Variants in SPIDR observed in about 807,000 individuals in gnomAD.
The protein encoded by SPIDR is scaffold protein involved in DNA repair.
SPIDR carries 93 observed loss-of-function variants against 104.6 expected under a neutral mutation model. The ratio of observed to expected loss-of-function variants is 0.89; its 90% CI spans 0.75 to 1.06. The LOEUF is 1.06. SPIDR is among the 50% of genes least tolerant of loss of function. The pLI is 0.00. For missense variants in SPIDR, 1,154 were observed against 1,111.2 expected (o/e 1.04, Z -0.55); for synonymous variants, 431 against 416.9 (o/e 1.03, Z -0.41).
chr8:47,310,053 G>A (rs587769461), intron 5 of SPIDR, among the ~76,000 whole-genome samples: 3 of 149,118 alleles, frequency 2.0e-5, no homozygotes, highest in African/African-American at 5.0e-5. Context: ...GTAATAAGTC[G>A]GCCAGCGCTG....
At chr8:47,350,106 A>C (rs1249771944) in intron 5 of SPIDR, among the ~76,000 whole-genome samples, 1 of 152,194 alleles carries the variant, frequency 6.6e-6, no homozygotes, top group African/African-American at 2.4e-5. Context: ...TCTTGGAATG[A>C]TCGGGTTTTT....
chr8:47,714,981 C>T (rs2082361294), intron 16 of SPIDR, among the ~76,000 whole-genome samples: 1 of 152,108 alleles, frequency 6.6e-6, no homozygotes. Flanking sequence ...ATAATTCACT[C>T]CTTTAAAGTG....
At chr8:47,453,063 C>T (rs2154349464) in intron 8 of SPIDR, among the ~76,000 whole-genome samples, 1 of 152,156 alleles carries the variant, frequency 6.6e-6, no homozygotes, top group South Asian at 2.1e-4. Context: ...TCTTATACAC[C>T]AATAACAGAC....
At chr8:47,594,283 G>A (rs1037356180) in intron 8 of SPIDR, among the ~76,000 whole-genome samples, 3 of 151,564 alleles carry the variant, frequency 2.0e-5, no homozygotes, top group African/African-American at 7.3e-5. Flanking sequence ...GCTGAGGTGG[G>A]AGAATCACTT....
intron 5 of SPIDR, among the ~76,000 whole-genome samples, chr8:47,316,541 T>A (rs2045378143): frequency 6.6e-6 from 1 of 152,220 alleles, no homozygotes; most frequent in East Asian, 1.9e-4. Flanking sequence ...GAACACTGTC[T>A]TGGTACATCA....
intron 8 of SPIDR, among the ~76,000 whole-genome samples, chr8:47,495,618 G>A (rs556994667): frequency 1.2e-4 from 19 of 152,054 alleles, no homozygotes; most frequent in African/African-American, 4.3e-4. Context: ...TGCCTGGTCC[G>A]AGGTTTCAAA....
intron 5 of SPIDR, among the ~76,000 whole-genome samples, chr8:47,380,205 C>G (rs1169366288): frequency 1.3e-5 from 2 of 152,326 alleles, no homozygotes; most frequent in African/African-American, 4.8e-5. Context: ...CACAGCAACG[C>G]GTGCTGCCCC....
intron 8 of SPIDR, among the ~76,000 whole-genome samples, chr8:47,544,843 C>CA (rs1170782602): frequency 2.6e-5 from 4 of 151,950 alleles, no homozygotes; most frequent in Admixed American, 6.6e-5. Context: ...TTTATCTCCA[C>CA]AAAAAAATCT....
intron 16 of SPIDR, among the ~76,000 whole-genome samples, chr8:47,717,645 G>A (rs11778548): frequency 0.45 from 68,950 of 152,022 alleles, 18,614 homozygotes; most frequent in East Asian, 0.65. Context: ...TTAGTGCAGT[G>A]ACCTCCCTGT....
At chr8:47,518,804 T>A (rs929423443) in intron 8 of SPIDR, among the ~76,000 whole-genome samples, 3 of 151,864 alleles carry the variant, frequency 2.0e-5, no homozygotes, top group Non-Finnish European at 4.4e-5. Flanking sequence ...GCCTGGCTAG[T>A]TTTTGTATTT....
rs545512082 is a variant in SPIDR, at chr8:47,374,290, G to A, written c.526-22086G>A. ...TAATCCTAACACTTTGGGAGGCTGA[G>A]ATAGAAGGATCACTTGAGCCGAGGA... On this transcript the variant is annotated intron_variant, in intron 5 of 19. Transcript: ENST00000297423. Among the ~76,000 whole-genome samples the A allele has an allele frequency of 1.1e-4, 17 of 152,286 alleles. No individual in the cohort carries two copies. In the East Asian group the frequency reaches 2.9e-3, roughly 26 times the overall value.
At chr8:47,381,562 G>C (rs1459041232) in intron 5 of SPIDR, among the ~76,000 whole-genome samples, 2 of 152,232 alleles carry the variant, frequency 1.3e-5, no homozygotes, top group Admixed American at 6.5e-5. Context: ...GCTGAACTCA[G>C]GATAGGCAGG....
At chr8:47,684,987 G>A (rs1025968045) in intron 11 of SPIDR, among the ~76,000 whole-genome samples, 1 of 152,212 alleles carries the variant, frequency 6.6e-6, no homozygotes, top group Non-Finnish European at 1.5e-5. Flanking sequence ...GAGAGGCTGA[G>A]GCAGGTGGAT....
chr8:47,305,664 A>G (rs2042974021), intron 5 of SPIDR, among the ~76,000 whole-genome samples: 1 of 152,140 alleles, frequency 6.6e-6, no homozygotes, highest in African/African-American at 2.4e-5. Context: ...ATTTTTACTT[A>G]TTTATATAAA....
intron 8 of SPIDR, among the ~76,000 whole-genome samples, chr8:47,505,920 T>G (rs2081409210): frequency 6.6e-6 from 1 of 152,222 alleles, no homozygotes; most frequent in Non-Finnish European, 1.5e-5. Context: ...TGGGCATAAT[T>G]TCAGTGTATG....
At chr8:47,326,485 C>G (rs2047686209) in intron 5 of SPIDR, among the ~76,000 whole-genome samples, 1 of 152,182 alleles carries the variant, frequency 6.6e-6, no homozygotes, top group East Asian at 1.9e-4. Context: ...ATCAAATTAA[C>G]ATTCAAAAGT....
intron 11 of SPIDR, among the ~76,000 whole-genome samples, chr8:47,682,593 A>T (rs926845843): frequency 1.3e-5 from 2 of 152,202 alleles, no homozygotes; most frequent in Non-Finnish European, 2.9e-5. Context: ...CTCAAGTTTA[A>T]AAAAGAAAAC....
intron 8 of SPIDR, among the ~76,000 whole-genome samples, chr8:47,443,073 A>C (rs1433480067): frequency 6.6e-6 from 1 of 152,224 alleles, no homozygotes; most frequent in African/African-American, 2.4e-5. Context: ...TTAGATCAAG[A>C]TTATCTACAA....
chr8:47,284,014 T>A lies in SPIDR; in HGVS notation c.190-14T>A. 1 of 1,590,890 alleles carries A rather than the reference T, an allele frequency of 6.3e-7. No homozygotes were observed. ...TTTGTCACATAAATTCCATGATTAT[T>A]ATTTTGCCTACAGTCATTAACAGCT... On this transcript the variant is annotated splice_polypyrimidine_tract_variant and intron_variant, in intron 2 of 19. Transcript: ENST00000297423.
Sources: gnomAD v4.1 joint callset for allele counts (sites outside exome capture counted in the v4.1 genomes callset) on GRCh38, gnomAD v4.1.1 for gene constraint, MANE v1.5 for transcripts, NCBI Gene and HGNC (gene_info 2026-07-23, HGNC 2026-07-21) for gene names.